The following RANGAP1 variants were observed in gnomAD, a reference collection of about 807,000 sequenced individuals.
The protein encoded by RANGAP1 is ran GTPase-activating protein 1.
Under a neutral mutation model 63.5 loss-of-function variants are expected in RANGAP1, and 38 were observed. The observed-to-expected ratio is 0.60, with a 90% CI of 0.46 to 0.78. RANGAP1 has a LOEUF of 0.78. RANGAP1 is among the 30% of genes least tolerant of loss of function. RANGAP1 has a pLI of 0.00. For synonymous variants in RANGAP1, 329 were observed against 310.5 expected, an observed-to-expected ratio of 1.06 and a Z score of -0.63; for missense variants, 630 against 740.3, an observed-to-expected ratio of 0.85 and a Z score of 1.73.
intron 12 of RANGAP1, among the ~76,000 whole-genome samples, chr22:41,252,146 C>T (rs911531396): frequency 6.6e-6 from 1 of 151,972 alleles, no homozygotes; most frequent in Non-Finnish European, 1.5e-5. Context: ...GCCTGGCCAA[C>T]GTGGTGAAAC....
Position 41,256,234 on chromosome 22 carries a change from C to T in RANGAP1, c.945G>A (p.Glu315=), listed in dbSNP as rs200872840. 1 of 1,614,154 alleles carries T rather than the reference C, an allele frequency of 6.2e-7. No homozygotes were observed. Among genetic ancestry groups the T allele is most frequent in the East Asian group, 2.2e-5 (1 of 44,872 alleles). ...CCAGCTCAGCTTTGTCTGCCATGGC[C>T]TCAGCAACAGCCAGGGCAGCATCCC... ...IKRDAALAVA[E]AMADKAELEK... Residue 315 remains glutamate (E), a synonymous_variant, in exon 9 of 16, where the codon GAG becomes GAA. Transcript: ENST00000356244.
At chr22:41,297,009 A>G in the RANGAP1 span, among the ~76,000 whole-genome samples, 2 of 152,186 alleles carry the variant, frequency 1.3e-5, no homozygotes, top group Non-Finnish European at 2.9e-5. Flanking sequence ...TCAGGAGTTC[A>G]AGGCCAACCT....
At chr22:41,274,451 G>T in intron 3 of RANGAP1, 149 bp downstream of exon 3, 1 of 1,188,058 alleles carries the variant, frequency 8.4e-7, no homozygotes, top group Non-Finnish European at 1.2e-6. Context: ...AATGCTGTGT[G>T]CCCTGGGGAG....
chr22:41,296,849 T>C, the RANGAP1 span, among the ~76,000 whole-genome samples: 13 of 152,074 alleles, frequency 8.5e-5, no homozygotes, highest in Admixed American at 4.6e-4. Flanking sequence ...AGTCCTAAGA[T>C]CTACAGTCAG....
chr22:41,258,171 A>C (rs936211860), intron 6 of RANGAP1, 65 bp from the exon 7 acceptor site: 2 of 1,523,594 alleles, frequency 1.3e-6, no homozygotes, highest in Non-Finnish European at 1.8e-6. Flanking sequence ...CAGGCAGGAG[A>C]GCAATTCCAC....
intron 15 of RANGAP1, among the ~76,000 whole-genome samples, chr22:41,248,742 TCTTA>T (rs1459315531): frequency 3.9e-5 from 6 of 152,174 alleles, no homozygotes; most frequent in South Asian, 4.1e-4. Context: ...GCCTTGCCTC[TCTTA>T]CTTGACTGTG....
rs373447813 is a variant in RANGAP1, at chr22:41,247,546, T to C, written c.1695-874A>G. ...TTGTATTTTTTGTAGAGATGGGGTT[T>C]CACGAATGTTGCCCAGGCTGGCCTT... On this transcript the variant is annotated intron_variant, in intron 15 of 15. Transcript: ENST00000356244. 5.9e-5 allele frequency among the ~76,000 whole-genome samples: 9 copies of C among 152,272 alleles called. No homozygotes were observed. In the South Asian group the frequency reaches 1.9e-3, roughly 32 times the overall value.
intron 13 of RANGAP1, among the ~76,000 whole-genome samples, 180 bp from the exon 14 acceptor site, chr22:41,249,997 A>G (rs2033331368): frequency 6.6e-6 from 1 of 152,214 alleles, no homozygotes. Context: ...AGTTGGCATC[A>G]GGGGATGGGC....
intron 12 of RANGAP1, 85 bp from the exon 13 acceptor site, chr22:41,251,194 C>A: frequency 9.5e-7 from 1 of 1,047,176 alleles, no homozygotes; most frequent in Non-Finnish European, 1.5e-6. Context: ...GAGGCCTGGG[C>A]AGTACAAAGG....
chr22:41,266,743 A>G (rs2034498218), intron 4 of RANGAP1, among the ~76,000 whole-genome samples: 1 of 152,230 alleles, frequency 6.6e-6, no homozygotes, highest in Non-Finnish European at 1.5e-5. Context: ...CATGTTGGCC[A>G]GGCTGGTCTC....
chr22:41,301,517 G>C, the RANGAP1 span: 1 of 152,164 alleles, frequency 6.6e-6, no homozygotes, highest in African/African-American at 2.4e-5. Flanking sequence ...AGGAGGAAGA[G>C]CTGCAGGGAG....
chr22:41,254,993 A>AC (rs1405719416), intron 10 of RANGAP1, among the ~76,000 whole-genome samples: 2 of 151,758 alleles, frequency 1.3e-5, no homozygotes, highest in Non-Finnish European at 2.9e-5. Flanking sequence ...CAAAAAAAAA[A>AC]AACAAAAAAA....
At chr22:41,281,188 C>A in intron 1 of RANGAP1, 106 bp from the exon 2 acceptor site, 1 of 1,224,240 alleles carries the variant, frequency 8.2e-7, no homozygotes, top group East Asian at 2.6e-5. Flanking sequence ...ACCTCCCCTG[C>A]TATGGAGACC....
chr22:41,251,741 C>A (rs1033518766), intron 12 of RANGAP1, among the ~76,000 whole-genome samples: 1 of 152,008 alleles, frequency 6.6e-6, no homozygotes, highest in South Asian at 2.1e-4. Flanking sequence ...TTTACCTCAA[C>A]CTCACAACAG....
At chr22:41,283,930 C>T (rs1024580556) in intron 1 of RANGAP1, among the ~76,000 whole-genome samples, 22 of 152,162 alleles carry the variant, frequency 1.4e-4, no homozygotes, top group African/African-American at 2.4e-5. Context: ...GCTCAAGAAA[C>T]GACCAGTTGA....
At chr22:41,296,920 T>G in the RANGAP1 span, among the ~76,000 whole-genome samples, 2 of 152,100 alleles carry the variant, frequency 1.3e-5, no homozygotes, top group South Asian at 4.1e-4. Context: ...GGGAAAAAAT[T>G]AATGTCCCGA....
At position 41,249,826 on chromosome 22, in the gene RANGAP1, C is replaced by A; in HGVS notation, c.1484-9G>T. 2 of 1,610,798 alleles carry A rather than the reference C, an allele frequency of 1.2e-6. No individual in the cohort carries two copies. The highest frequency in any genetic ancestry group is 1.7e-6 in the Non-Finnish European group (2 of 1,177,010). On this transcript the variant is annotated splice_polypyrimidine_tract_variant and intron_variant, in intron 13 of 15. Transcript: ENST00000356244. ...CTTCTGCATCAGGGCATCTGTAGGG[C>A]AGAAGCAGCAGGGGCAGGCTGCTGG... is the stretch of plus-strand genomic sequence containing the variant.
Position 41,252,859 on chromosome 22 carries a change from G to C in RANGAP1, c.1380+13C>G. On this transcript the variant is annotated intron_variant, in intron 12 of 15. Transcript: ENST00000356244. ...CAGCACGTACAGCGTGGGGGTCGAG[G>C]GGTGGTTATTACCTGCTGGGCTATC... The C allele has an allele frequency of 6.4e-7, 1 of 1,565,822 alleles. No homozygotes were observed. The highest frequency in any genetic ancestry group is 8.6e-7 in the Non-Finnish European group (1 of 1,157,582).
At chr22:41,278,685 C>T (rs2035299855) in intron 2 of RANGAP1, among the ~76,000 whole-genome samples, 1 of 152,198 alleles carries the variant, frequency 6.6e-6, no homozygotes, top group African/African-American at 2.4e-5. Context: ...TCCTAAATTC[C>T]TTTTTCTCAT....
Sources: allele counts gnomAD v4.1 joint callset (sites outside exome capture counted in the v4.1 genomes callset), GRCh38; gene constraint gnomAD v4.1.1; transcripts MANE v1.5; gene names NCBI Gene and HGNC (gene_info 2026-07-23, HGNC 2026-07-21).